The following THOC5 variants were observed in gnomAD, a reference collection of about 807,000 sequenced individuals.
THOC5 encodes the protein THO complex subunit 5, also known as Fms-interacting protein.
In THOC5, 43 loss-of-function variants were observed where a neutral mutation model predicts 92.9. The ratio of observed to expected loss-of-function variants is 0.46; its 90% CI spans 0.36 to 0.60. The LOEUF (loss-of-function observed/expected upper bound fraction) is 0.60, where lower values mean the gene tolerates loss of function less well. THOC5 is among the 20% of genes least tolerant of loss of function. The probability of loss-of-function intolerance (pLI) is 0.00; values close to 1 mark genes in which losing one functional copy is unlikely to be tolerated. For missense variants in THOC5, 659 were observed against 849.4 expected, an observed-to-expected ratio of 0.78 and a Z score of 2.79; for synonymous variants, 296 against 320.1, an observed-to-expected ratio of 0.92 and a Z score of 0.80.
intron 7 of THOC5, 28 bp downstream of exon 7, chr22:29,536,596 G>A (rs1423322409): frequency 1.4e-6 from 2 of 1,415,134 alleles, no homozygotes; most frequent in Non-Finnish European, 2.0e-6. Flanking sequence ...CAGTGGTGAA[G>A]GCAAAGCAAA....
chr22:29,523,363 CA>C (rs1330154409), intron 12 of THOC5, among the ~76,000 whole-genome samples: 1 of 152,084 alleles, frequency 6.6e-6, no homozygotes, highest in Non-Finnish European at 1.5e-5. Context: ...AGTAACATCA[CA>C]AAAATAAAGA....
chr22:29,525,951 A>T lies in THOC5; in HGVS notation c.1067-5T>A. The T allele has an allele frequency of 6.2e-7, 1 of 1,602,936 alleles. No individual in the cohort carries two copies. The highest frequency in any genetic ancestry group is 1.3e-5 in the African/African-American group (1 of 74,560). On this transcript the variant is annotated splice_polypyrimidine_tract_variant and splice_region_variant and intron_variant, in intron 11 of 19. Coordinates refer to ENST00000490103, the MANE Select transcript of THOC5 (RefSeq NM_003678.5). ...TCAGGTGAAGCACACTGTCATCTGG[A>T]GGGGAGGAAGATGAGAGAATTTATG...
intron 11 of THOC5, among the ~76,000 whole-genome samples, chr22:29,527,543 G>A (rs2063568496): frequency 1.3e-5 from 2 of 152,180 alleles, no homozygotes; most frequent in Non-Finnish European, 2.9e-5. Context: ...GCTTCCAGGT[G>A]CAAAGAATCT....
At chr22:29,546,189 C>T (rs1195409004) in intron 2 of THOC5, among the ~76,000 whole-genome samples, 1 of 152,170 alleles carries the variant, frequency 6.6e-6, no homozygotes, top group African/African-American at 2.4e-5. Context: ...GCACCAAGTC[C>T]CTAGGCTGCA....
At chr22:29,535,089 C>T (rs1041876828) in intron 7 of THOC5, 5 of 150,918 alleles carry the variant, frequency 3.3e-5, no homozygotes, top group African/African-American at 4.9e-5. Context: ...CATGATGAAA[C>T]CCCATCTCTA....
intron 5 of THOC5, among the ~76,000 whole-genome samples, chr22:29,540,967 A>G (rs1226189480): frequency 2.0e-5 from 3 of 152,140 alleles, no homozygotes; most frequent in African/African-American, 4.8e-5. Flanking sequence ...CTGTAATTCT[A>G]GCACTTTGGG....
At chr22:29,534,978 A>AT (rs57109499) in intron 7 of THOC5, 2 of 149,686 alleles carry the variant, frequency 1.3e-5, no homozygotes, top group Non-Finnish European at 3.0e-5. Flanking sequence ...AAAAAAAAAA[A>AT]GCATTTTAGG....
Position 29,511,203 on chromosome 22 carries a change from C to A in THOC5, c.1891G>T (p.Val631Leu). Residue 631 changes from valine to leucine, a missense_variant, in exon 19 of 20, where the codon GTG becomes TTG. Transcript: ENST00000490103. ...LLTNQLQRLC[V>L]LLDVYLETES... The stretch of plus-strand genomic sequence containing the variant: ...GTCTCCAGGTAAACATCCAGCAGCA[C>A]ACACAGCCGCTGCAGCTGGTTGGTC... 6.2e-7 allele frequency: 1 copy of A among 1,614,246 alleles called. No homozygotes were observed. Among genetic ancestry groups the A allele is most frequent in the Non-Finnish European group, 8.5e-7 (1 of 1,180,042 alleles).
rs149695967 is a variant in THOC5, at chr22:29,541,124, G to A, written c.453-1648C>T. On this transcript the variant is annotated intron_variant, in intron 5 of 19. Coordinates refer to ENST00000490103, the MANE Select transcript of THOC5 (RefSeq NM_003678.5). ...CGCTTGAACCCAGGAGGCAGAGGTT[G>A]CAATGAGCCAAGATCACGCCACCAC... Among the ~76,000 whole-genome samples, 637 of 151,940 alleles carry A rather than the reference G, an allele frequency of 4.2e-3. 7 individuals are homozygous for A. Among genetic ancestry groups the A allele is most frequent in the African/African-American group, 0.014 (597 of 41,390 alleles).
intron 13 of THOC5, 133 bp downstream of exon 13, chr22:29,520,865 C>T (rs988534374): frequency 8.6e-6 from 6 of 696,290 alleles, no homozygotes; most frequent in Non-Finnish European, 1.5e-5. Flanking sequence ...AAAGAACAAA[C>T]ATTTCCTTCT....
In THOC5 at chr22:29,544,607, T is replaced by C. The variant is rs760084482; in HGVS notation, c.97-4A>G. On this transcript the variant is annotated splice_polypyrimidine_tract_variant and splice_region_variant and intron_variant, in intron 2 of 19. Coordinates refer to ENST00000490103, the MANE Select transcript of THOC5 (RefSeq NM_003678.5). ...CCTCACTGTAGTATTTACCTTCCTG[T>C]AGAGGTAAGGATAAAGGCTCTGTGT... The C allele has an allele frequency of 1.0e-5, 16 of 1,607,032 alleles. No homozygotes were observed.
At chr22:29,535,246 G>C (rs1378447519) in intron 7 of THOC5, 1 of 121,904 alleles carries the variant, frequency 8.2e-6, no homozygotes, top group Non-Finnish European at 1.6e-5. Context: ...CTGTGCGACA[G>C]AGCAACTCTG....
At chr22:29,516,722 G>A (rs576963685) in intron 17 of THOC5, among the ~76,000 whole-genome samples, 7 of 152,310 alleles carry the variant, frequency 4.6e-5, no homozygotes, top group South Asian at 2.1e-4. Flanking sequence ...ACTAGAAAGC[G>A]GTGAAGGAAG....
chr22:29,524,978 A>T (rs1285078488), intron 12 of THOC5, among the ~76,000 whole-genome samples: 1 of 152,194 alleles, frequency 6.6e-6, no homozygotes, highest in Non-Finnish European at 1.5e-5. Context: ...GCAGAAGAAG[A>T]ATGCCATGAT....
chr22:29,539,562 G>T, intron 5 of THOC5, 86 bp from the exon 6 acceptor site: 1 of 1,430,710 alleles, frequency 7.0e-7, no homozygotes, highest in Non-Finnish European at 9.6e-7. Context: ...CCCAACATAT[G>T]CCTGCTTAGT....
intron 1 of THOC5, among the ~76,000 whole-genome samples, chr22:29,549,714 C>T (rs1426498174): frequency 1.3e-5 from 2 of 152,114 alleles, no homozygotes; most frequent in African/African-American, 4.8e-5. Context: ...TGTCCCCAAC[C>T]TACCTTCCCA....
chr22:29,537,674 G>A (rs545532612), intron 6 of THOC5, among the ~76,000 whole-genome samples: 3 of 152,010 alleles, frequency 2.0e-5, no homozygotes, highest in African/African-American at 4.8e-5. Flanking sequence ...GGTGAATCAC[G>A]AGGTCAAGAG....
chr22:29,519,591 G>C (rs948998674), intron 14 of THOC5, among the ~76,000 whole-genome samples: 3 of 151,796 alleles, frequency 2.0e-5, no homozygotes, highest in African/African-American at 7.3e-5. Flanking sequence ...AGCCCTGAGG[G>C]GACACATTCT....
At position 29,516,988 on chromosome 22, in the gene THOC5, C is replaced by T. The variant is rs201135190; in HGVS notation, c.1681+41G>A. ...CCGGAGAGTGTTTGATTCTTGGCAG[C>T]GCCCTTTGTCTAGAACCCCTGTAAT... On this transcript the variant is annotated intron_variant, in intron 17 of 19. Coordinates refer to ENST00000490103, the MANE Select transcript of THOC5 (RefSeq NM_003678.5). The T allele has an allele frequency of 1.4e-5, 23 of 1,600,622 alleles. No homozygotes were observed. In the East Asian group the frequency reaches 1.6e-4, roughly 11 times the overall value.
Sources: allele counts gnomAD v4.1 joint callset (sites outside exome capture counted in the v4.1 genomes callset), GRCh38; gene constraint gnomAD v4.1.1; transcripts MANE v1.5; gene names NCBI Gene and HGNC (gene_info 2026-07-23, HGNC 2026-07-21).